Variants in PREX1 observed in about 807,000 individuals in gnomAD.
The protein encoded by PREX1 is phosphatidylinositol 3,4,5-trisphosphate-dependent Rac exchanger 1 protein.
In PREX1, 41 loss-of-function variants were observed where a neutral mutation model predicts 198.3. That is an observed-to-expected ratio of 0.21 (90% CI 0.16 to 0.27). PREX1 has a LOEUF of 0.27. PREX1 is among the 10% of genes least tolerant of loss of function. PREX1 has a pLI of 1.00. For missense variants in PREX1, 1,620 were observed against 2,200.7 expected, an observed-to-expected ratio of 0.74 and a Z score of 5.28; for synonymous variants, 843 against 887.2, an observed-to-expected ratio of 0.95 and a Z score of 0.89.
At chr20:48,756,297 G>C (rs900862970) in intron 1 of PREX1, among the ~76,000 whole-genome samples, 1 of 152,116 alleles carries the variant, frequency 6.6e-6, no homozygotes, top group African/African-American at 2.4e-5. Flanking sequence ...TTCCCACCTA[G>C]CATTCCTTCA....
intron 14 of PREX1, among the ~76,000 whole-genome samples, chr20:48,675,389 A>G (rs4810851): frequency 0.17 from 25,449 of 152,252 alleles, 4,379 homozygotes; most frequent in African/African-American, 0.44. Context: ...GTATTTTGTT[A>G]TAGCAGCACA....
At chr20:48,862,241 C>A in the PREX1 span, among the ~76,000 whole-genome samples, 1 of 151,888 alleles carries the variant, frequency 6.6e-6, no homozygotes, top group Admixed American at 6.6e-5. Context: ...AATAAAAAAG[C>A]AAAAACCAAA....
rs1470431753 is a variant in PREX1 at position 48,630,245 on chromosome 20, CT to C, written c.4593+482del. On this transcript the variant is annotated intron_variant, in intron 36 of 39. Coordinates refer to ENST00000371941, the MANE Select transcript of PREX1 (RefSeq NM_020820.4). ...GAGGCAAGGAGCCCAAGGAGCCGAA[CT>C]ATCGAGGCCCCTCAGAGGGAGCTGC... Among the ~76,000 whole-genome samples, 18 of 152,338 alleles carry C rather than the reference CT, an allele frequency of 1.2e-4. No homozygotes were observed. In the South Asian group the frequency reaches 1.4e-3, roughly 12 times the overall value.
the PREX1 span, among the ~76,000 whole-genome samples, chr20:48,878,500 C>T: frequency 6.6e-6 from 1 of 152,112 alleles, no homozygotes; most frequent in African/African-American, 2.4e-5. Flanking sequence ...CCACCACACC[C>T]AGTTAATTTT....
chr20:48,882,526 A>AAAAAT, the PREX1 span, among the ~76,000 whole-genome samples: 1 of 42,022 alleles, frequency 2.4e-5, no homozygotes, highest in East Asian at 4.6e-4. Context: ...AAAAAAAAAA[A>AAAAAT]GAGAGAATCT....
In PREX1 at chr20:48,650,903, G is replaced by C. The variant is rs766169447; in HGVS notation, c.2808C>G (p.Cys936Trp). ...GGGAGCACGCAGGCACCTCCTGGTA[G>C]CAGGCAATCCTCTGGCCAATGCTCT... Reference protein sequence around the residue: ...KLESIGQRIACYQEFAAQLKS... With the variant: ...KLESIGQRIAWYQEFAAQLKS... Residue 936 changes from cysteine (C) to tryptophan (W), a missense_variant, in exon 23 of 40, where the codon TGC becomes TGG. Cys to Trp is a radical substitution (Grantham distance 215, BLOSUM62 -2). Transcript: ENST00000371941. The C allele has an allele frequency of 6.2e-7, 1 of 1,614,180 alleles. No individual in the cohort carries two copies. Among genetic ancestry groups the C allele is most frequent in the Non-Finnish European group, 8.5e-7 (1 of 1,180,030 alleles).
At chr20:48,782,882 A>C (rs1265995280) in intron 1 of PREX1, among the ~76,000 whole-genome samples, 1 of 152,194 alleles carries the variant, frequency 6.6e-6, no homozygotes, top group East Asian at 1.9e-4. Context: ...CGAGTGTCAT[A>C]GTCTAAGGTG....
chr20:48,726,521 A>G (rs916146826), intron 4 of PREX1, 130 bp from the exon 5 acceptor site: 1 of 673,186 alleles, frequency 1.5e-6, no homozygotes, highest in African/African-American at 1.8e-5. Context: ...GACCCGTAGA[A>G]GTGAAAACGT....
rs757110072 is a variant in PREX1, at chr20:48,678,469, C to CA, written c.1589+890dup. Among the ~76,000 whole-genome samples the CA allele has an allele frequency of 8.3e-3, 972 of 117,220 alleles. 1 individual carries two copies. Among genetic ancestry groups the CA allele is most frequent in the Non-Finnish European group, 0.01 (596 of 58,018 alleles). The allele number at this position is 117,220 out of a possible 152,430, so 76.9% of individuals were successfully genotyped here. On this transcript the variant is annotated intron_variant, in intron 13 of 39. Coordinates refer to ENST00000371941, the MANE Select transcript of PREX1 (RefSeq NM_020820.4). ...TGGGTAACGGAGCAAGACCCTGTCT[C>CA]AAAAAAAAAAAAGAAGAAGAAAATT...
At chr20:48,791,149 GCACA>G (rs11469380) in intron 1 of PREX1, among the ~76,000 whole-genome samples, 18 of 150,538 alleles carry the variant, frequency 1.2e-4, no homozygotes, top group African/African-American at 3.7e-4. Context: ...GCAGATTCAT[GCACA>G]CACACACACA....
chr20:48,801,126 A>G (rs972328223), intron 1 of PREX1, among the ~76,000 whole-genome samples: 12 of 152,334 alleles, frequency 7.9e-5, no homozygotes, highest in African/African-American at 2.9e-4. Context: ...GTGCAGCTGA[A>G]GAGCTTAAGA....
At chr20:48,883,404 C>A in the PREX1 span, among the ~76,000 whole-genome samples, 10 of 152,002 alleles carry the variant, frequency 6.6e-5, no homozygotes, top group African/African-American at 2.2e-4. Flanking sequence ...CTAGCCAGGG[C>A]AATTACATAA....
chr20:48,636,317 A>T lies in PREX1; in HGVS notation c.4167+146T>A, dbSNP rs963594738. The T allele has an allele frequency of 1.8e-5, 15 of 830,012 alleles. 1 individual carries two copies. In the East Asian group the frequency reaches 3.8e-4, roughly 21 times the overall value. The allele number at this position is 830,012 out of a possible 1,614,324, so 51.4% of individuals were successfully genotyped here. A position where few individuals can be genotyped will look rare whatever the true frequency, so the allele number is the denominator to read the frequency against. On this transcript the variant is annotated intron_variant, in intron 32 of 39. Coordinates refer to ENST00000371941, the MANE Select transcript of PREX1 (RefSeq NM_020820.4). ...GCTGGACCTTCAGTGCCTATAAAACAGCACACAGGTGCTCAACAAATAGCT... is the reference window on the plus strand; with the variant it reads ...GCTGGACCTTCAGTGCCTATAAAACTGCACACAGGTGCTCAACAAATAGCT...
At chr20:48,832,271 A>AC (rs1176850194), upstream of PREX1, among the ~76,000 whole-genome samples, 1 of 152,164 alleles carries the variant, frequency 6.6e-6, no homozygotes, top group Non-Finnish European at 1.5e-5. Context: ...TTCACAGTTG[A>AC]GGGGGAGAAG....
At chr20:48,634,164 A>G (rs113074735) in intron 33 of PREX1, among the ~76,000 whole-genome samples, 2,934 of 102,204 alleles carry the variant, frequency 0.029, 101 homozygotes, top group African/African-American at 0.086. Flanking sequence ...GGATGGATGG[A>G]TGGATGGATG....
chr20:48,797,375 G>T (rs2090367797), intron 1 of PREX1, among the ~76,000 whole-genome samples: 1 of 137,172 alleles, frequency 7.3e-6, no homozygotes, highest in Non-Finnish European at 1.5e-5. Context: ...GCCCATTCAT[G>T]TTGGAGGCTG....
chr20:48,863,868 C>G, the PREX1 span, among the ~76,000 whole-genome samples: 1 of 152,176 alleles, frequency 6.6e-6, no homozygotes, highest in African/African-American at 2.4e-5. Flanking sequence ...CAGGCATGAG[C>G]CACTGTGCCC....
chr20:48,653,289 G>C lies in PREX1; in HGVS notation c.2346+72C>G, dbSNP rs1395855142. On this transcript the variant is annotated intron_variant, in intron 20 of 39. Coordinates refer to ENST00000371941, the MANE Select transcript of PREX1 (RefSeq NM_020820.4). The stretch of plus-strand genomic sequence containing the variant: ...GTACATGCAGGCTTTTCTCTAAAGA[G>C]AGGACAGCCCTCAGCCACCCACCCC... 5.7e-6 allele frequency: 9 copies of C among 1,568,714 alleles called. No homozygotes were observed. In the African/African-American group the frequency reaches 1.2e-4, roughly 21 times the overall value.
At position 48,700,927 on chromosome 20, in the gene PREX1, GA is replaced by G. The variant is rs770440787; in HGVS notation, c.784-42del. ...GGACACAGTGAATGAGCCAACCCAGGAACATCCCCTTCCTTTCCCAGAGACA... is the reference window on the plus strand; with the variant it reads ...GGACACAGTGAATGAGCCAACCCAGGACATCCCCTTCCTTTCCCAGAGACA... On this transcript the variant is annotated intron_variant, in intron 6 of 39. Transcript: ENST00000371941. The G allele has an allele frequency of 1.9e-6, 3 of 1,611,334 alleles. No individual in the cohort carries two copies. In the South Asian group the frequency reaches 3.3e-5, roughly 18 times the overall value.
Sources: gnomAD v4.1 joint callset for allele counts (sites outside exome capture counted in the v4.1 genomes callset) on GRCh38, gnomAD v4.1.1 for gene constraint, MANE v1.5 for transcripts, NCBI Gene and HGNC (gene_info 2026-07-23, HGNC 2026-07-21) for gene names.